Variants in CPNE1 observed in about 807,000 individuals in gnomAD.
The protein encoded by CPNE1 is copine 1.
CPNE1 carries 58 observed loss-of-function variants against 63.2 expected under a neutral mutation model. The observed-to-expected ratio is 0.92, with a 90% confidence interval of 0.74 to 1.14. CPNE1 has a LOEUF of 1.14. Among genes scored for constraint, CPNE1 ranks in the 50% most tolerant of loss-of-function variants. CPNE1 has a pLI of 0.00. For synonymous variants in CPNE1, 237 were observed against 249.0 expected (o/e 0.95, Z 0.45); for missense variants, 672 against 661.7 (o/e 1.02, Z -0.17).
At chr20:35,628,088 C>T (rs7266438) in intron 13 of CPNE1, among the ~76,000 whole-genome samples, 38,222 of 151,292 alleles carry the variant, frequency 0.25, 5,555 homozygotes, top group African/African-American at 0.41. Context: ...GAGACCATCC[C>T]AGCTAACACA....
intron 1 of CPNE1, chr20:35,652,678 A>T (rs762449065): frequency 6.2e-7 from 1 of 1,614,166 alleles, no homozygotes; most frequent in Non-Finnish European, 8.5e-7. Context: ...TGAGCCTGGG[A>T]TTACTTGATA....
intron 1 of CPNE1, among the ~76,000 whole-genome samples, chr20:35,662,097 TG>T (rs1331646279): frequency 6.6e-6 from 1 of 152,210 alleles, no homozygotes; most frequent in Non-Finnish European, 1.5e-5. Context: ...AAAATTATTC[TG>T]ACACTGATGG....
At chr20:35,664,422 C>T (rs768233056) in intron 1 of CPNE1, 4 of 152,340 alleles carry the variant, frequency 2.6e-5, no homozygotes, top group African/African-American at 4.8e-5. Flanking sequence ...ATCCTCCGTA[C>T]TCGGGATGTA....
intron 1 of CPNE1, chr20:35,664,353 C>A (rs984595104): frequency 5.9e-5 from 9 of 152,276 alleles, no homozygotes; most frequent in African/African-American, 1.9e-4. Flanking sequence ...ACGATTATCT[C>A]CCCACCTCCA....
At chr20:35,632,464 A>G in intron 3 of CPNE1, 53 bp downstream of exon 3, 1 of 1,602,196 alleles carries the variant, frequency 6.2e-7, no homozygotes, top group Non-Finnish European at 8.6e-7. Flanking sequence ...CAGGCAGGCT[A>G]GGTTGTCTCA....
At chr20:35,639,100 AAAAC>A (rs1349077664) in intron 1 of CPNE1, among the ~76,000 whole-genome samples, 3 of 150,084 alleles carry the variant, frequency 2.0e-5, no homozygotes, top group Admixed American at 1.3e-4. Context: ...ACAAAAAAAA[AAAAC>A]AAAACCCAAC....
At chr20:35,627,796 A>C (rs999112677) in intron 13 of CPNE1, among the ~76,000 whole-genome samples, 1 of 152,198 alleles carries the variant, frequency 6.6e-6, no homozygotes, top group African/African-American at 2.4e-5. Flanking sequence ...TTACACAATC[A>C]TTTGACAATC....
chr20:35,637,839 C>T (rs1328043998), intron 1 of CPNE1, among the ~76,000 whole-genome samples: 1 of 152,188 alleles, frequency 6.6e-6, no homozygotes, highest in Non-Finnish European at 1.5e-5. Flanking sequence ...ACGCAACTAT[C>T]CTCCAGCCAG....
chr20:35,640,852 A>C (rs974967023), intron 1 of CPNE1, among the ~76,000 whole-genome samples: 12 of 152,182 alleles, frequency 7.9e-5, no homozygotes, highest in Non-Finnish European at 1.5e-4. Flanking sequence ...CTACTGAGAC[A>C]CTGAGAGAAG....
chr20:35,655,218 A>G, intron 1 of CPNE1: 1 of 1,614,160 alleles, frequency 6.2e-7, no homozygotes, highest in South Asian at 1.1e-5. Flanking sequence ...CACCCCCTAC[A>G]ATATGCACGC....
intron 1 of CPNE1, among the ~76,000 whole-genome samples, chr20:35,643,648 CAGG>C (rs1434219818): frequency 2.6e-5 from 4 of 152,198 alleles, no homozygotes; most frequent in Admixed American, 2.0e-4. Context: ...CAGGCTGAGG[CAGG>C]AGAATTGCTT....
In CPNE1 at chr20:35,631,546, T is replaced by C. The variant is rs1041845359; in HGVS notation, c.660A>G (p.Ser220=). Residue 220 remains serine, a synonymous_variant, in exon 8 of 16, where the codon TCA becomes TCG. Coordinates refer to ENST00000397443, the MANE Select transcript of CPNE1 (RefSeq NM_152925.3). The part of the protein sequence containing the change: ...VQCSDYDSDG[S]HDLIGTFHTS... ...TGTGGAAGGTACCGATGAGATCATG[T>C]GACCCGTCACTGTCATAATCGGAGC... The C allele has an allele frequency of 2.5e-6, 4 of 1,613,990 alleles. No individual in the cohort carries two copies. Among genetic ancestry groups the C allele is most frequent in the Non-Finnish European group, 2.5e-6 (3 of 1,180,002 alleles).
intron 1 of CPNE1, chr20:35,651,778 G>A (rs2033537671): frequency 6.6e-6 from 1 of 152,590 alleles, no homozygotes; most frequent in South Asian, 2.1e-4. Context: ...GTAGATAAAG[G>A]ACTCCATAGT....
At chr20:35,653,947 C>G (rs780082001) in intron 1 of CPNE1, 2 of 1,614,138 alleles carry the variant, frequency 1.2e-6, no homozygotes, top group Non-Finnish European at 1.7e-6. Flanking sequence ...TATATAAATA[C>G]TATCTTCCAC....
chr20:35,653,259 A>G (rs1568934853), intron 1 of CPNE1: 6 of 1,613,202 alleles, frequency 3.7e-6, no homozygotes, highest in Middle Eastern at 1.7e-4. Context: ...TTCCCGCACC[A>G]GGCAGTCCTG....
At chr20:35,635,328 A>G (rs1253999784) in intron 1 of CPNE1, among the ~76,000 whole-genome samples, 2 of 152,126 alleles carry the variant, frequency 1.3e-5, no homozygotes, top group Non-Finnish European at 2.9e-5. Flanking sequence ...ATTCTGTGAG[A>G]AAGGAATATT....
intron 1 of CPNE1, among the ~76,000 whole-genome samples, chr20:35,659,700 A>G (rs972010626): frequency 6.6e-6 from 1 of 152,188 alleles, no homozygotes; most frequent in Non-Finnish European, 1.5e-5. Context: ...ACACCCTAAA[A>G]ATGCCTGACA....
chr20:35,649,896 T>C (rs1343382230), intron 1 of CPNE1: 1 of 152,390 alleles, frequency 6.6e-6, no homozygotes, highest in Non-Finnish European at 1.5e-5. Context: ...TGTTTACAAA[T>C]GCACACAACT....
intron 1 of CPNE1, among the ~76,000 whole-genome samples, chr20:35,662,374 C>A (rs1388451249): frequency 6.6e-6 from 1 of 152,168 alleles, no homozygotes; most frequent in Non-Finnish European, 1.5e-5. Context: ...AAATTTTGTG[C>A]AAACCAAAAG....
Sources: allele counts gnomAD v4.1 joint callset (sites outside exome capture counted in the v4.1 genomes callset), GRCh38; gene constraint gnomAD v4.1.1; transcripts MANE v1.5; gene names NCBI Gene and HGNC (gene_info 2026-07-23, HGNC 2026-07-21).